The following RALGAPA1 variants were observed in gnomAD, a reference collection of about 807,000 sequenced individuals.
The protein encoded by RALGAPA1 is Ral GTPase activating protein catalytic subunit alpha 1.
Under a neutral mutation model 269.6 loss-of-function variants are expected in RALGAPA1, and 52 were observed. That is an observed-to-expected ratio of 0.19 (90% CI 0.15 to 0.24). The LOEUF (loss-of-function observed/expected upper bound fraction) is 0.24. Ranked by LOEUF, RALGAPA1 falls within the 10% of genes least tolerant of loss-of-function variation. The pLI, the probability that RALGAPA1 is intolerant of heterozygous loss-of-function variation, is 1.00. For synonymous variants in RALGAPA1, 817 were observed against 1,008.3 expected, an observed-to-expected ratio of 0.81 and a Z score of 3.60; for missense variants, 1,917 against 3,013.9, an observed-to-expected ratio of 0.64 and a Z score of 8.52.
At chr14:35,549,321 C>A in intron 39 of RALGAPA1, 87 bp from the exon 40 acceptor site, 1 of 1,301,984 alleles carries the variant, frequency 7.7e-7, no homozygotes. Context: ...GATTGCTAAG[C>A]CATTACTTCT....
chr14:35,610,946 G>A (rs1566816553), intron 35 of RALGAPA1, among the ~76,000 whole-genome samples: 1 of 152,074 alleles, frequency 6.6e-6, no homozygotes, highest in Non-Finnish European at 1.5e-5. Context: ...CTTATATTTT[G>A]AAAATTATAA....
intron 16 of RALGAPA1, among the ~76,000 whole-genome samples, chr14:35,704,449 T>A (rs191120826): frequency 6.6e-6 from 1 of 152,284 alleles, no homozygotes; most frequent in African/African-American, 2.4e-5. Flanking sequence ...ATCTTTTAAA[T>A]GCAGGTAAGT....
chr14:35,778,473 T>C lies in RALGAPA1; in HGVS notation c.107-2728A>G, dbSNP rs375595250. ...CCCTTGGATTCTGTACATTTCTCTT[T>C]TATGGAAAGAACAATGTTTCAAATG... On this transcript the variant is annotated intron_variant, in intron 1 of 41. Transcript: ENST00000680220. Among the ~76,000 whole-genome samples the C allele has an allele frequency of 6.3e-4, 96 of 152,306 alleles. 1 individual carries two copies. The South Asian group carries it at 0.019, about 31-fold the overall frequency.
At chr14:35,662,853 T>C (rs1257507123) in intron 27 of RALGAPA1, among the ~76,000 whole-genome samples, 2 of 151,762 alleles carry the variant, frequency 1.3e-5, no homozygotes, top group Non-Finnish European at 2.9e-5. Flanking sequence ...GGTCAATTTA[T>C]ATAGTTTTTT....
intron 10 of RALGAPA1, among the ~76,000 whole-genome samples, chr14:35,748,137 G>A (rs1260994704): frequency 2.0e-5 from 3 of 151,684 alleles, no homozygotes; most frequent in Non-Finnish European, 4.4e-5. Flanking sequence ...CTAGTAACAG[G>A]AGTATAAGGG....
chr14:35,684,323 A>G (rs896909928), intron 20 of RALGAPA1, among the ~76,000 whole-genome samples: 5 of 152,224 alleles, frequency 3.3e-5, no homozygotes, highest in Non-Finnish European at 7.3e-5. Context: ...ACTAAGTGGT[A>G]ATAATATAGC....
At chr14:35,681,005 A>T (rs1234890022) in intron 21 of RALGAPA1, among the ~76,000 whole-genome samples, 1 of 152,138 alleles carries the variant, frequency 6.6e-6, no homozygotes, top group African/African-American at 2.4e-5. Flanking sequence ...CTATTCCTAT[A>T]ATGATATTCA....
chr14:35,726,819 T>C (rs1039814043), intron 13 of RALGAPA1, among the ~76,000 whole-genome samples: 3 of 152,210 alleles, frequency 2.0e-5, no homozygotes, highest in Non-Finnish European at 4.4e-5. Flanking sequence ...AATGTAGTTA[T>C]TGGCTAATAA....
intron 39 of RALGAPA1, among the ~76,000 whole-genome samples, chr14:35,559,002 T>C (rs1480576393): frequency 6.6e-6 from 1 of 152,176 alleles, no homozygotes; most frequent in Non-Finnish European, 1.5e-5. Context: ...ATCATGTCCC[T>C]TGTGAAATTT....
intron 3 of RALGAPA1, 116 bp downstream of exon 3, chr14:35,774,890 G>T: frequency 1.5e-6 from 1 of 689,016 alleles, no homozygotes; most frequent in Non-Finnish European, 2.5e-6. Flanking sequence ...TTAGTTCTTA[G>T]AAAGGCTGGC....
At chr14:35,601,209 A>T (rs2059273568) in intron 36 of RALGAPA1, among the ~76,000 whole-genome samples, 1 of 152,040 alleles carries the variant, frequency 6.6e-6, no homozygotes, top group South Asian at 2.1e-4. Flanking sequence ...CTCTGAAATG[A>T]CTCCAGTGGA....
intron 26 of RALGAPA1, among the ~76,000 whole-genome samples, chr14:35,667,495 A>G (rs776067279): frequency 1.1e-4 from 16 of 152,214 alleles, no homozygotes; most frequent in Non-Finnish European, 1.9e-4. Context: ...AGTCTAAAGC[A>G]GTGCTTCTCA....
intron 39 of RALGAPA1, among the ~76,000 whole-genome samples, chr14:35,568,529 G>A (rs777850127): frequency 9.9e-4 from 151 of 152,216 alleles, no homozygotes; most frequent in Middle Eastern, 6.8e-3. Context: ...GAATGAAGCC[G>A]TAATTCCTAA....
At chr14:35,733,063 A>G (rs1370595554) in intron 12 of RALGAPA1, among the ~76,000 whole-genome samples, 1 of 152,222 alleles carries the variant, frequency 6.6e-6, no homozygotes, top group East Asian at 1.9e-4. Flanking sequence ...CTCAGACCAC[A>G]ATGGAATAAA....
At chr14:35,773,140 T>C (rs1162238668) in intron 3 of RALGAPA1, among the ~76,000 whole-genome samples, 4 of 152,206 alleles carry the variant, frequency 2.6e-5, no homozygotes, top group Non-Finnish European at 5.9e-5. Context: ...CTAATAATTA[T>C]ACTTTAGATT....
rs575089147 is a variant in RALGAPA1, at chr14:35,747,893, T to C, written c.1251+692A>G. ...TGAAATAGCTTTTTGTTCTTTTATTTTCCCTTTTTTTTTTCTATACTTTCC... is the reference window on the plus strand; with the variant it reads ...TGAAATAGCTTTTTGTTCTTTTATTCTCCCTTTTTTTTTTCTATACTTTCC... On this transcript the variant is annotated intron_variant, in intron 10 of 41. Coordinates refer to ENST00000680220, the MANE Select transcript of RALGAPA1 (RefSeq NM_001346249.2). Among the ~76,000 whole-genome samples, 7 of 152,210 alleles carry C rather than the reference T, an allele frequency of 4.6e-5. No individual in the cohort carries two copies. The East Asian group carries it at 7.7e-4, about 17-fold the overall frequency.
chr14:35,661,754 C>T (rs1325440714), intron 27 of RALGAPA1, among the ~76,000 whole-genome samples: 2 of 152,124 alleles, frequency 1.3e-5, no homozygotes, highest in East Asian at 3.8e-4. Flanking sequence ...AACTCAGCAC[C>T]TAGTCCAATT....
intron 14 of RALGAPA1, 95 bp downstream of exon 14, chr14:35,724,929 G>T: frequency 1.0e-6 from 1 of 983,646 alleles, no homozygotes; most frequent in Non-Finnish European, 1.4e-6. Context: ...AACAAGTTCA[G>T]GGTTCAATGA....
At position 35,627,153 on chromosome 14, in the gene RALGAPA1, T is replaced by C. The variant is rs772497991; in HGVS notation, c.6794A>G (p.Gln2265Arg). 1 of 1,567,330 alleles carries C rather than the reference T, an allele frequency of 6.4e-7. No individual in the cohort carries two copies. Among genetic ancestry groups the C allele is most frequent in the Non-Finnish European group, 8.6e-7 (1 of 1,163,426 alleles). The stretch of plus-strand genomic sequence containing the variant: ...CAATCTGCAATAATAAAATGCTGAC[T>C]GAGGTTTTTGAGGTATTGGTTCATC... ...EQDEPIPQKP[Q>R]SAFYYCRLLL... The change falls in exon 34 of 42, where the codon CAG becomes CGG. Residue 2265 changes from glutamine (Q) to arginine (R), a missense_variant. Around this residue, in one of 11 missense-constraint regions of RALGAPA1, gnomAD observed 132 missense variants for 271.2 expected, o/e 0.49. Coordinates refer to ENST00000680220, the MANE Select transcript of RALGAPA1 (RefSeq NM_001346249.2).
Sources: gnomAD v4.1 joint callset for allele counts (sites outside exome capture counted in the v4.1 genomes callset) on GRCh38, gnomAD v4.1.1 for gene constraint, gnomAD v4.1.1 regional missense constraint, MANE v1.5 for transcripts, NCBI Gene and HGNC (gene_info 2026-07-23, HGNC 2026-07-21) for gene names.